Variants in PGAP4 observed in about 807,000 individuals in gnomAD.
PGAP4 encodes the protein GPI-N-acetylgalactosamine transferase PGAP4.
In PGAP4, 12 loss-of-function variants were observed where a neutral mutation model predicts 28.2. The ratio of observed to expected loss-of-function variants is 0.42; its 90% CI spans 0.27 to 0.69. PGAP4 has a LOEUF of 0.69. PGAP4 is among the 30% of genes least tolerant of loss of function. The pLI is 0.22. For synonymous variants in PGAP4, 205 were observed against 211.8 expected (o/e 0.97, Z 0.28); for missense variants, 425 against 513.5 (o/e 0.83, Z 1.67).
At chr9:101,514,022 G>A (rs974281727) in intron 2 of PGAP4, among the ~76,000 whole-genome samples, 1 of 134,934 alleles carries the variant, frequency 7.4e-6, no homozygotes, top group South Asian at 2.5e-4. Context: ...TTTTTTTTTT[G>A]TTCTATTCAG....
exon 1 of PGAP4, chr9:101,533,023 A>T (rs1827119545): frequency 6.6e-6 from 1 of 152,230 alleles, no homozygotes; most frequent in Non-Finnish European, 1.5e-5. Flanking sequence ...TTAATAGGTT[A>T]GATTAATTAC....
chr9:101,497,812 G>A (rs184730716), intron 2 of PGAP4, among the ~76,000 whole-genome samples: 1 of 151,640 alleles, frequency 6.6e-6, no homozygotes, highest in Non-Finnish European at 1.5e-5. Flanking sequence ...AAGGGAATTT[G>A]GGTCAACTAA....
At position 101,474,009 on chromosome 9, in the gene PGAP4, A is replaced by G. The variant is rs1296524464; in HGVS notation, c.*1872T>C. ...CTGTTTGCTCCTCCAAACTAACATGACAATGTGTTTCTGCCATCTTAGCTT... is the reference window on the plus strand; with the variant it reads ...CTGTTTGCTCCTCCAAACTAACATGGCAATGTGTTTCTGCCATCTTAGCTT... On this transcript the variant is annotated 3_prime_UTR_variant, in exon 2 of 2. Transcript: ENST00000374848. 4 of 152,230 alleles carry G rather than the reference A, an allele frequency of 2.6e-5. No homozygotes were observed. The highest frequency in any genetic ancestry group is 6.5e-5 in the Admixed American group (1 of 15,284). The allele number at this position is 152,230 out of a possible 1,614,324, so 9.4% of individuals were successfully genotyped here.
intron 2 of PGAP4, among the ~76,000 whole-genome samples, chr9:101,499,178 TGGC>T (rs1336109928): frequency 6.6e-6 from 1 of 152,012 alleles, no homozygotes; most frequent in Non-Finnish European, 1.5e-5. Context: ...CTTATTAAAG[TGGC>T]CTTATTTAAA....
intron 2 of PGAP4, among the ~76,000 whole-genome samples, chr9:101,504,191 G>C (rs1311886985): frequency 1.5e-5 from 1 of 68,464 alleles, no homozygotes; most frequent in Admixed American, 1.4e-4. Context: ...TTATTTGTTT[G>C]TGTGTGTGTG....
At chr9:101,501,528 A>G (rs551728212) in intron 2 of PGAP4, 1 of 389,348 alleles carries the variant, frequency 2.6e-6, no homozygotes, top group African/African-American at 2.1e-5. Flanking sequence ...AGTAGATTAC[A>G]TCAACATGAT....
intron 2 of PGAP4, among the ~76,000 whole-genome samples, chr9:101,513,147 A>G (rs922088508): frequency 9.2e-5 from 14 of 152,100 alleles, no homozygotes; most frequent in African/African-American, 3.4e-4. Flanking sequence ...TTTATCAAAG[A>G]CACATACAGA....
intron 2 of PGAP4, among the ~76,000 whole-genome samples, chr9:101,520,997 T>C (rs1826984812): frequency 6.6e-6 from 1 of 152,196 alleles, no homozygotes; most frequent in Admixed American, 6.5e-5. Context: ...TGTTTTTAAT[T>C]CTGTTTATGT....
rs1420413647 is a variant in PGAP4 at position 101,487,142 on chromosome 9, G to T, written c.-271C>A. The T allele has an allele frequency of 6.6e-6, 1 of 152,204 alleles. No homozygotes were observed. The highest frequency in any genetic ancestry group is 2.4e-5 in the African/African-American group (1 of 41,452). The allele number at this position is 152,204 out of a possible 1,614,324, so 9.4% of individuals were successfully genotyped here. On this transcript the variant is annotated 5_prime_UTR_variant, in exon 1 of 2. In the 5' UTR this introduces an upstream ATG that the reference lacks. Transcript: ENST00000374848. ...TCAGGCGCAGGGCTCCCCTTGCTCAGGCGGGCCATGTGACCCGCGAGCTGC... is the reference window on the plus strand; with the variant it reads ...TCAGGCGCAGGGCTCCCCTTGCTCATGCGGGCCATGTGACCCGCGAGCTGC...
chr9:101,503,219 G>A (rs1261258817), intron 2 of PGAP4, among the ~76,000 whole-genome samples: 2 of 151,922 alleles, frequency 1.3e-5, no homozygotes, highest in Admixed American at 6.6e-5. Flanking sequence ...ACTAAAAAGC[G>A]ATCTTACAAA....
intron 2 of PGAP4, among the ~76,000 whole-genome samples, chr9:101,517,512 C>T (rs149229433): frequency 6.6e-4 from 101 of 152,056 alleles, no homozygotes; most frequent in African/African-American, 1.7e-3. Flanking sequence ...GTTTTAAAAA[C>T]GCAAAGTTAA....
upstream of PGAP4, among the ~76,000 whole-genome samples, chr9:101,490,347 G>A (rs570323704): frequency 2.6e-5 from 4 of 152,084 alleles, no homozygotes; most frequent in Admixed American, 6.6e-5. Context: ...ATACCACCAT[G>A]CCCAGCTAAT....
rs929374750 is a variant in PGAP4 at position 101,530,386 on chromosome 9, GA to G, written c.-165+961del. On this transcript the variant is annotated intron_variant, in intron 2 of 3. Transcript: ENST00000374851. ...ACAAATACTCATTAAGTCATCATTT[GA>G]AAAAAAAAATCACTTAAAATCTGAG... Among the ~76,000 whole-genome samples, 656 of 149,182 alleles carry G rather than the reference GA, an allele frequency of 4.4e-3. 1 individual carries two copies. Among genetic ancestry groups the G allele is most frequent in the African/African-American group, 0.015 (627 of 40,782 alleles).
At chr9:101,533,346 A>G (rs1007228011) in exon 1 of PGAP4, 2 of 152,240 alleles carry the variant, frequency 1.3e-5, no homozygotes, top group African/African-American at 4.8e-5. Context: ...ACAGGGCAGA[A>G]TACCGCTCCC....
chr9:101,519,287 AG>A (rs1306033740), intron 2 of PGAP4, among the ~76,000 whole-genome samples: 1 of 152,136 alleles, frequency 6.6e-6, no homozygotes, highest in East Asian at 1.9e-4. Context: ...CCTCCTGAGT[AG>A]CTGGGATTAC....
chr9:101,482,211 G>T (rs1178898376), intron 1 of PGAP4, among the ~76,000 whole-genome samples: 1 of 152,354 alleles, frequency 6.6e-6, no homozygotes, highest in East Asian at 1.9e-4. Context: ...ACTTTGGGAC[G>T]CCGAGGCAGG....
chr9:101,522,909 G>T (rs1827000592), intron 2 of PGAP4, among the ~76,000 whole-genome samples: 1 of 152,162 alleles, frequency 6.6e-6, no homozygotes, highest in Non-Finnish European at 1.5e-5. Context: ...AGTTCTTGCA[G>T]TGGTGGCTTG....
upstream of PGAP4, among the ~76,000 whole-genome samples, chr9:101,488,365 T>C (rs1826653471): frequency 1.3e-5 from 2 of 152,164 alleles, no homozygotes; most frequent in African/African-American, 4.8e-5. Flanking sequence ...TATTCCGAAA[T>C]TGGAGGATTG....
intron 1 of PGAP4, 35 bp from the exon 2 acceptor site, chr9:101,477,204 A>C: frequency 2.9e-6 from 4 of 1,402,090 alleles, no homozygotes; most frequent in Non-Finnish European, 3.7e-6. Context: ...GGTAAGAGTA[A>C]CTTAAAAAAA....
Sources: allele counts gnomAD v4.1 joint callset (sites outside exome capture counted in the v4.1 genomes callset), GRCh38; gene constraint gnomAD v4.1.1; transcripts MANE v1.5; gene names NCBI Gene and HGNC (gene_info 2026-07-23, HGNC 2026-07-21).